TMC7: variants seen among roughly 807,000 people sequenced by gnomAD.
The protein encoded by TMC7 is transmembrane channel like 7.
TMC7 carries 54 observed loss-of-function variants against 82.9 expected under a neutral mutation model. The observed-to-expected ratio is 0.65, with a 90% CI of 0.52 to 0.82. The LOEUF (loss-of-function observed/expected upper bound fraction) is 0.82. TMC7 is among the 40% of genes least tolerant of loss of function. TMC7 has a pLI of 0.00. For synonymous variants in TMC7, 350 were observed against 337.9 expected (o/e 1.04, Z -0.39); for missense variants, 820 against 901.2 (o/e 0.91, Z 1.15).
intron 1 of TMC7, among the ~76,000 whole-genome samples, chr16:19,003,633 G>GT (rs1261423872): frequency 1.4e-5 from 2 of 140,396 alleles, no homozygotes; most frequent in Non-Finnish European, 3.1e-5. Flanking sequence ...GATGGTTGCT[G>GT]TGTCTGTGTA....
chr16:19,037,663 G>A (rs970121323), intron 7 of TMC7, among the ~76,000 whole-genome samples: 8 of 151,840 alleles, frequency 5.3e-5, no homozygotes, highest in African/African-American at 9.7e-5. Flanking sequence ...TGTAGAGATG[G>A]GGTCTCACTA....
At chr16:19,010,634 G>A (rs545912034) in intron 2 of TMC7, among the ~76,000 whole-genome samples, 6 of 152,300 alleles carry the variant, frequency 3.9e-5, no homozygotes, top group Admixed American at 3.3e-4. Context: ...AGTCAGCTAC[G>A]CAGCAGAATA....
At chr16:19,015,373 T>C (rs1207957001) in intron 2 of TMC7, among the ~76,000 whole-genome samples, 1 of 152,002 alleles carries the variant, frequency 6.6e-6, no homozygotes, top group Admixed American at 6.6e-5. Flanking sequence ...GCAATCCTCC[T>C]GCCTCAGCCT....
At chr16:18,994,894 G>C (rs769903757) in intron 1 of TMC7, among the ~76,000 whole-genome samples, 1 of 152,124 alleles carries the variant, frequency 6.6e-6, no homozygotes, top group Non-Finnish European at 1.5e-5. Context: ...CATTGAGCGG[G>C]GTAAGGGTGA....
chr16:19,040,115 CAAAAAAAAAAAA>C (rs55719597), intron 8 of TMC7, among the ~76,000 whole-genome samples, 162 bp from the exon 9 acceptor site: 5 of 67,086 alleles, frequency 7.5e-5, no homozygotes, highest in Non-Finnish European at 1.3e-4. Context: ...GACTCCATCT[CAAAAAAAAAAAA>C]AAAAAAAAAA....
intron 2 of TMC7, among the ~76,000 whole-genome samples, chr16:19,012,880 G>T (rs1959451629): frequency 1.3e-5 from 2 of 148,980 alleles, no homozygotes; most frequent in Non-Finnish European, 3.0e-5. Flanking sequence ...TTTGAGACGG[G>T]ATCTCGGCTC....
chr16:19,010,917 C>G (rs1004467591), intron 2 of TMC7, among the ~76,000 whole-genome samples: 4 of 152,106 alleles, frequency 2.6e-5, no homozygotes. Context: ...CCTGCAGAAC[C>G]TCTTGGGACT....
chr16:19,045,075 G>A, intron 10 of TMC7, 74 bp downstream of exon 10: 1 of 1,224,290 alleles, frequency 8.2e-7, no homozygotes, highest in Non-Finnish European at 1.2e-6. Context: ...GAGAACAGCG[G>A]TTGAAGCCAT....
intron 1 of TMC7, among the ~76,000 whole-genome samples, chr16:18,993,142 A>T (rs1596715509): frequency 1.3e-5 from 2 of 152,120 alleles, no homozygotes; most frequent in East Asian, 3.8e-4. Flanking sequence ...ATAGCTGGGG[A>T]GAGGTAGAGG....
At chr16:18,998,679 A>G (rs937061086) in intron 1 of TMC7, among the ~76,000 whole-genome samples, 2 of 151,550 alleles carry the variant, frequency 1.3e-5, no homozygotes, top group Non-Finnish European at 2.9e-5. Flanking sequence ...GCGTGAACCC[A>G]GGAGGCGGAG....
intron 1 of TMC7, among the ~76,000 whole-genome samples, chr16:18,995,038 C>T (rs867185933): frequency 2.6e-5 from 4 of 151,870 alleles, no homozygotes; most frequent in South Asian, 4.1e-4. Flanking sequence ...GGGGAAAAGG[C>T]GGCAATGAGG....
chr16:19,060,227 C>T (rs372575236), intron 15 of TMC7, among the ~76,000 whole-genome samples: 46 of 152,022 alleles, frequency 3.0e-4, no homozygotes, highest in Non-Finnish European at 4.9e-4. Flanking sequence ...TTATTCAGGA[C>T]GGGGTCTCAC....
intron 1 of TMC7, among the ~76,000 whole-genome samples, chr16:18,995,117 C>G (rs1253659647): frequency 6.6e-6 from 1 of 151,996 alleles, no homozygotes; most frequent in Non-Finnish European, 1.5e-5. Flanking sequence ...CTAATAAGAG[C>G]TGGGCAGGTG....
At chr16:19,043,408 A>G (rs945301576) in intron 9 of TMC7, among the ~76,000 whole-genome samples, 1 of 151,572 alleles carries the variant, frequency 6.6e-6, no homozygotes, top group Admixed American at 6.6e-5. Context: ...AGTAACATAT[A>G]TGTAACATAG....
intron 1 of TMC7, among the ~76,000 whole-genome samples, chr16:19,006,059 T>TCATC (rs2039234430): frequency 6.6e-6 from 1 of 152,204 alleles, no homozygotes. Flanking sequence ...CTGCCCATCC[T>TCATC]CATCCGGTTG....
intron 3 of TMC7, among the ~76,000 whole-genome samples, chr16:19,020,922 A>G (rs1177354233): frequency 2.0e-5 from 3 of 152,040 alleles, no homozygotes; most frequent in African/African-American, 7.2e-5. Flanking sequence ...TATCTAAAGA[A>G]TCATATGCAA....
At chr16:19,014,995 G>A (rs530175184) in intron 2 of TMC7, among the ~76,000 whole-genome samples, 476 of 150,386 alleles carry the variant, frequency 3.2e-3, no homozygotes, top group Non-Finnish European at 5.3e-3. Context: ...ATGGAGTCTC[G>A]CTCTGTCACC....
At chr16:19,033,173 A>G (rs565007554) in intron 6 of TMC7, among the ~76,000 whole-genome samples, 1 of 152,172 alleles carries the variant, frequency 6.6e-6, no homozygotes, top group Non-Finnish European at 1.5e-5. Flanking sequence ...CATCTGTGAA[A>G]TGTGCATCCT....
At chr16:19,060,022 C>A (rs1961936418) in intron 15 of TMC7, 2 of 249,714 alleles carry the variant, frequency 8.0e-6, no homozygotes, top group South Asian at 1.1e-4. Flanking sequence ...CTACTCTGTG[C>A]CTTGTACTAT....
Sources: gnomAD v4.1 joint callset for allele counts (sites outside exome capture counted in the v4.1 genomes callset) on GRCh38, gnomAD v4.1.1 for gene constraint, MANE v1.5 for transcripts, NCBI Gene and HGNC (gene_info 2026-07-23, HGNC 2026-07-21) for gene names.